Variants in PCID2 observed in about 807,000 individuals in gnomAD.
The protein encoded by PCID2 is PCI domain-containing protein 2.
Under a neutral mutation model 61.3 loss-of-function variants are expected in PCID2, and 41 were observed. The observed-to-expected ratio is 0.67, with a 90% CI of 0.52 to 0.87. The LOEUF (loss-of-function observed/expected upper bound fraction) is 0.87. PCID2 is among the 40% of genes least tolerant of loss of function. The pLI, the probability that PCID2 is intolerant of heterozygous loss-of-function variation, is 0.00. For synonymous variants in PCID2, 187 were observed against 177.8 expected (o/e 1.05, Z -0.41); for missense variants, 392 against 493.4 (o/e 0.79, Z 1.95).
the PCID2 span, chr13:113,171,540 T>C: frequency 6.2e-7 from 1 of 1,611,650 alleles, no homozygotes; most frequent in Non-Finnish European, 8.5e-7. The surrounding 1 kb of genome is among the most constrained non-coding windows in gnomAD (Gnocchi z 5.1). Context: ...GTTTGAGCAT[T>C]ATGTCCCCTT....
At chr13:113,171,646 T>C in the PCID2 span, 4 of 1,614,140 alleles carry the variant, frequency 2.5e-6, no homozygotes, top group South Asian at 1.1e-5. This position sits in a 1 kb window ranked among gnomAD's most constrained non-coding sequence, Gnocchi z 5.1. Flanking sequence ...CGCACGTCCA[T>C]GTGCACATGC....
intron 8 of PCID2, 87 bp from the exon 9 acceptor site, chr13:113,184,574 G>A (rs2037929812): frequency 1.3e-6 from 1 of 750,062 alleles, no homozygotes; most frequent in Non-Finnish European, 2.3e-6. Flanking sequence ...TCCTTAAAAT[G>A]CAAATTACAA....
At chr13:113,174,877 C>G (rs931191787), downstream of PCID2, among the ~76,000 whole-genome samples, 7 of 152,218 alleles carry the variant, frequency 4.6e-5, no homozygotes, top group Non-Finnish European at 1.0e-4. Context: ...CTGATACATG[C>G]CCATGTGTAC....
chr13:113,180,990 C>G (rs911080003), intron 10 of PCID2, 140 bp downstream of exon 10: 2 of 605,098 alleles, frequency 3.3e-6, no homozygotes, highest in Non-Finnish European at 6.0e-6. Context: ...ATGCATGCGC[C>G]TTCTTTATTT....
At chr13:113,199,016 CTTT>C in intron 2 of PCID2, among the ~76,000 whole-genome samples, 1 of 152,228 alleles carries the variant, frequency 6.6e-6, no homozygotes, top group Non-Finnish European at 1.5e-5. Flanking sequence ...GCTGACATTT[CTTT>C]CTAAGTTTTC....
intron 4 of PCID2, 67 bp downstream of exon 4, chr13:113,197,111 C>G (rs1003428554): frequency 1.2e-6 from 2 of 1,614,182 alleles, no homozygotes; most frequent in Non-Finnish European, 1.7e-6. Context: ...GTTTCCGGGT[C>G]TCAAGTCCCA....
In PCID2 at chr13:113,181,214, T is replaced by C. The variant is rs2037606086; in HGVS notation, c.702A>G (p.Ser234=). ...SDFKQAEEYL[S]FAFEHCHRSS... is the part of the protein sequence containing the mutation. ...AACGGTGACAATGCTCAAAGGCAAA[T>C]GACAGGTACTCCTCAGCTGCAAAGA... The change falls in exon 10 of 14, where the codon TCA becomes TCG. Residue 234 remains serine, a synonymous_variant. Transcript: ENST00000337344. 2 of 1,612,508 alleles carry C rather than the reference T, an allele frequency of 1.2e-6. No individual in the cohort carries two copies. Among genetic ancestry groups the C allele is most frequent in the African/African-American group, 1.3e-5 (1 of 75,012 alleles).
the PCID2 span, chr13:113,172,029 T>G: frequency 5.0e-6 from 8 of 1,612,994 alleles, no homozygotes; most frequent in African/African-American, 5.3e-5. Context: ...TCGCAGCCAG[T>G]AGGAGGGCAG....
chr13:113,199,765 T>C (rs2039280957), intron 2 of PCID2, among the ~76,000 whole-genome samples: 3 of 152,206 alleles, frequency 2.0e-5, no homozygotes, highest in Non-Finnish European at 2.9e-5. Context: ...TAGGTAACTT[T>C]ATTAGAAAAA....
At chr13:113,194,460 C>T (rs749056434) in intron 6 of PCID2, among the ~76,000 whole-genome samples, 8 of 152,244 alleles carry the variant, frequency 5.3e-5, no homozygotes, top group Non-Finnish European at 8.8e-5. Context: ...ATAGCCATGC[C>T]GGCCTGACAA....
chr13:113,184,504 T>C lies in PCID2; in HGVS notation c.544-17A>G. 6.7e-7 allele frequency: 1 copy of C among 1,486,810 alleles called. No individual in the cohort carries two copies. The highest frequency in any genetic ancestry group is 9.4e-7 in the Non-Finnish European group (1 of 1,068,426). 92.1% of individuals were successfully genotyped at this position (1,486,810 alleles called of 1,614,324 possible). ...TTTGTTGATCTATAATGAATAACAA[T>C]CCATTTAAAATATTTAAAAACAACA... is the stretch of plus-strand genomic sequence containing the variant. On this transcript the variant is annotated splice_polypyrimidine_tract_variant and intron_variant, in intron 8 of 13. Coordinates refer to ENST00000337344, the MANE Select transcript of PCID2 (RefSeq NM_001127202.4).
intron 13 of PCID2, among the ~76,000 whole-genome samples, chr13:113,178,716 G>A (rs1400636017): frequency 2.0e-5 from 3 of 152,158 alleles, no homozygotes; most frequent in African/African-American, 7.2e-5. Context: ...TTTGGTATCC[G>A]AGGGGGGTTG....
At chr13:113,172,723 C>T (rs1216240185), downstream of PCID2, among the ~76,000 whole-genome samples, 1 of 152,240 alleles carries the variant, frequency 6.6e-6, no homozygotes. Flanking sequence ...ACCCGCCCTT[C>T]TCTGGGAGGG....
chr13:113,173,663 C>CA (rs2138618943), downstream of PCID2, among the ~76,000 whole-genome samples: 1 of 152,200 alleles, frequency 6.6e-6, no homozygotes, highest in South Asian at 2.1e-4. Context: ...AGGTCCTTGG[C>CA]AAAAAGCAAC....
intron 4 of PCID2, 115 bp from the exon 5 acceptor site, chr13:113,196,337 G>T (rs2039014091): frequency 2.7e-6 from 2 of 740,902 alleles, no homozygotes; most frequent in East Asian, 5.0e-5. Flanking sequence ...GCAGATTTAT[G>T]TTGCAACAAT....
intron 6 of PCID2, among the ~76,000 whole-genome samples, chr13:113,194,822 A>T (rs150569935): frequency 5.2e-4 from 79 of 152,346 alleles, no homozygotes; most frequent in African/African-American, 1.5e-3. Flanking sequence ...CACATACCAT[A>T]AATGGTTAAC....
At chr13:113,206,762 C>T (rs895113319) in intron 1 of PCID2, among the ~76,000 whole-genome samples, 5 of 152,344 alleles carry the variant, frequency 3.3e-5, no homozygotes, top group East Asian at 1.9e-4. Flanking sequence ...TAGGAGGAAG[C>T]GGACTTTTTG....
At chr13:113,181,034 C>A in intron 10 of PCID2, 96 bp downstream of exon 10, 2 of 794,432 alleles carry the variant, frequency 2.5e-6, no homozygotes, top group South Asian at 1.5e-5. Context: ...AGGCTGTGAT[C>A]AACTACAGAC....
At chr13:113,166,768 T>C in the PCID2 span, among the ~76,000 whole-genome samples, 1 of 152,212 alleles carries the variant, frequency 6.6e-6, no homozygotes, top group Non-Finnish European at 1.5e-5. Flanking sequence ...GGGTCGGTAC[T>C]TGGGAGGCCC....
Sources: allele counts gnomAD v4.1 joint callset (sites outside exome capture counted in the v4.1 genomes callset), GRCh38; gene constraint gnomAD v4.1.1; non-coding constraint Gnocchi (gnomAD v3.1); transcripts MANE v1.5; gene names NCBI Gene and HGNC (gene_info 2026-07-23, HGNC 2026-07-21).